Variants in NTRK3 observed in about 807,000 individuals in gnomAD.
NTRK3 encodes NT-3 growth factor receptor.
In NTRK3, 24 loss-of-function variants were observed where a neutral mutation model predicts 91.7. That is an observed-to-expected ratio of 0.26 (90% CI 0.19 to 0.37). The LOEUF (loss-of-function observed/expected upper bound fraction) is 0.37. Ranked by LOEUF, NTRK3 falls within the 10% of genes least tolerant of loss-of-function variation. The pLI is 1.00. For missense variants in NTRK3, 880 were observed against 1,068.9 expected, an observed-to-expected ratio of 0.82 and a Z score of 2.46; for synonymous variants, 483 against 404.0, an observed-to-expected ratio of 1.20 and a Z score of -2.34.
chr15:88,036,635 G>T (rs1445144840), intron 13 of NTRK3, among the ~76,000 whole-genome samples: 2 of 152,160 alleles, frequency 1.3e-5, no homozygotes, highest in African/African-American at 4.8e-5. Flanking sequence ...TGTCTGGAGC[G>T]AGAGATTACA....
chr15:88,013,526 A>G (rs1195126797), intron 14 of NTRK3, among the ~76,000 whole-genome samples: 17 of 152,254 alleles, frequency 1.1e-4, no homozygotes, highest in Admixed American at 1.1e-3. Context: ...AAGTTGAGGA[A>G]TAGAAATGAA....
chr15:88,013,918 T>G (rs565787173), intron 14 of NTRK3, among the ~76,000 whole-genome samples: 1 of 152,108 alleles, frequency 6.6e-6, no homozygotes, highest in Non-Finnish European at 1.5e-5. Context: ...CCATCCAACT[T>G]AGGCGATACA....
At chr15:87,932,647 C>A (rs931855918) in intron 16 of NTRK3, among the ~76,000 whole-genome samples, 1 of 152,052 alleles carries the variant, frequency 6.6e-6, no homozygotes, top group Non-Finnish European at 1.5e-5. Flanking sequence ...ACTTAAGGCA[C>A]AAAGGGAGAA....
At chr15:87,916,587 A>G (rs1411306378) in intron 17 of NTRK3, 2 of 702,170 alleles carry the variant, frequency 2.8e-6, no homozygotes, top group African/African-American at 3.5e-5. Context: ...AAACAACTGG[A>G]TTTCTAAACT....
intron 17 of NTRK3, among the ~76,000 whole-genome samples, chr15:87,924,939 C>G (rs1357298916): frequency 2.0e-5 from 3 of 152,126 alleles, no homozygotes; most frequent in Non-Finnish European, 4.4e-5. Flanking sequence ...TGTATTGACT[C>G]CTCTCCCCAA....
intron 14 of NTRK3, among the ~76,000 whole-genome samples, chr15:88,009,257 T>C (rs1421463161): frequency 1.3e-5 from 2 of 152,228 alleles, no homozygotes; most frequent in Non-Finnish European, 2.9e-5. Context: ...GCAGAACACT[T>C]TGCATTTATT....
chr15:88,195,189 C>A (rs1242817407), intron 3 of NTRK3, among the ~76,000 whole-genome samples: 1 of 152,096 alleles, frequency 6.6e-6, no homozygotes, highest in Non-Finnish European at 1.5e-5. Flanking sequence ...ATTATCCATT[C>A]CAAAATATCA....
chr15:87,939,448 T>A (rs1174430634), intron 15 of NTRK3, among the ~76,000 whole-genome samples: 1 of 152,204 alleles, frequency 6.6e-6, no homozygotes, highest in Non-Finnish European at 1.5e-5. Context: ...GAACTGGGAT[T>A]TGCACCCAGG....
At chr15:88,224,471 C>T (rs1042181816) in intron 3 of NTRK3, among the ~76,000 whole-genome samples, 3 of 152,330 alleles carry the variant, frequency 2.0e-5, no homozygotes, top group African/African-American at 7.2e-5. Context: ...GCTGAGGGGA[C>T]CTTGGGTACA....
rs866643077 is a variant in NTRK3, at chr15:88,033,214, A to G, written c.1397-169T>C. Among the ~76,000 whole-genome samples the G allele has an allele frequency of 1.4e-3, 179 of 129,160 alleles. 2 individuals carry two copies. The South Asian group carries it at 0.019, about 13-fold the overall frequency. The allele number at this position is 129,160 out of a possible 152,430, so 84.7% of individuals were successfully genotyped here. A position where few individuals can be genotyped will look rare whatever the true frequency, so the allele number is the denominator to read the frequency against. On this transcript the variant is annotated intron_variant, in intron 13 of 18. Coordinates refer to ENST00000394480, the Ensembl canonical transcript of NTRK3. ...TATATATATATATATATATATATAT[A>G]TAAATTCAGTTGTTTGGGTTTCTGG...
In NTRK3 at chr15:88,239,220, C is replaced by T. The variant is rs76974589; in HGVS notation, c.248+16686G>A. On this transcript the variant is annotated intron_variant, in intron 3 of 18. Transcript: ENST00000394480. ...AAGCCCTCCAGGCAGGGGAAGTGGC[C>T]GGATCACGAGACTGAGAGTGAACAA... Among the ~76,000 whole-genome samples, 1,461 of 151,346 alleles carry T rather than the reference C, an allele frequency of 9.7e-3. 21 individuals are homozygous for T. The highest frequency in any genetic ancestry group is 0.032 in the African/African-American group (1,289 of 40,716).
intron 11 of NTRK3, 48 bp downstream of exon 11, chr15:88,128,663 T>C (rs910384913): frequency 1.0e-5 from 16 of 1,593,256 alleles, no homozygotes; most frequent in African/African-American, 2.7e-5. Context: ...TAGTTACCGA[T>C]AGTATCAGAA....
At chr15:88,125,996 A>C (rs2053245963) in intron 13 of NTRK3, among the ~76,000 whole-genome samples, 1 of 152,102 alleles carries the variant, frequency 6.6e-6, no homozygotes, top group Non-Finnish European at 1.5e-5. Flanking sequence ...TTCCTTTCCA[A>C]ATTATCCTCA....
At chr15:87,962,558 G>T (rs2072398994) in intron 14 of NTRK3, among the ~76,000 whole-genome samples, 1 of 152,180 alleles carries the variant, frequency 6.6e-6, no homozygotes, top group South Asian at 2.1e-4. Context: ...CACCCCTTCA[G>T]ATTTCCTGTT....
intron 13 of NTRK3, among the ~76,000 whole-genome samples, chr15:88,053,340 G>A (rs1321266971): frequency 6.6e-6 from 1 of 152,216 alleles, no homozygotes; most frequent in Non-Finnish European, 1.5e-5. Context: ...TAATAGCCAA[G>A]GCCGGAGACC....
intron 14 of NTRK3, among the ~76,000 whole-genome samples, chr15:88,015,869 G>A (rs207475673): frequency 6.6e-6 from 1 of 151,942 alleles, no homozygotes; most frequent in Non-Finnish European, 1.5e-5. Flanking sequence ...TTGACTGATC[G>A]CCAGCTCTAC....
chr15:87,928,227 C>T (rs1201650517), intron 17 of NTRK3: 2 of 152,236 alleles, frequency 1.3e-5, no homozygotes, highest in African/African-American at 4.8e-5. Flanking sequence ...GATCCATCCA[C>T]CTCAGCCTCC....
intron 13 of NTRK3, among the ~76,000 whole-genome samples, chr15:88,060,485 G>A (rs894762537): frequency 6.6e-6 from 1 of 152,078 alleles, no homozygotes; most frequent in African/African-American, 2.4e-5. Flanking sequence ...GGAAACAGGA[G>A]GCTGCATGGT....
intron 17 of NTRK3, among the ~76,000 whole-genome samples, chr15:87,903,060 G>T (rs1255451846): frequency 6.6e-6 from 1 of 152,176 alleles, no homozygotes; most frequent in African/African-American, 2.4e-5. Context: ...CCGGTGCCAG[G>T]ATTCTTCAGC....
Sources: allele counts gnomAD v4.1 joint callset (sites outside exome capture counted in the v4.1 genomes callset), GRCh38; gene constraint gnomAD v4.1.1; transcripts MANE v1.5; gene names NCBI Gene and HGNC (gene_info 2026-07-23, HGNC 2026-07-21).